PAN3: variants seen among roughly 807,000 people sequenced by gnomAD.
PAN3 encodes poly(A) specific ribonuclease subunit PAN3.
In PAN3, 19 loss-of-function variants were observed where a neutral mutation model predicts 96.2. The ratio of observed to expected loss-of-function variants is 0.20; its 90% CI spans 0.14 to 0.29. PAN3 has a LOEUF of 0.29. Ranked by LOEUF, PAN3 falls within the 10% of genes least tolerant of loss-of-function variation. The probability of loss-of-function intolerance (pLI) is 1.00; values close to 1 mark genes in which losing one functional copy is unlikely to be tolerated. For missense variants in PAN3, 882 were observed against 1,108.1 expected, an observed-to-expected ratio of 0.80 and a Z score of 2.90; for synonymous variants, 433 against 406.6, an observed-to-expected ratio of 1.06 and a Z score of -0.78.
At chr13:28,247,953 A>G (rs1195628313) in intron 6 of PAN3, among the ~76,000 whole-genome samples, 1 of 152,084 alleles carries the variant, frequency 6.6e-6, no homozygotes, top group Non-Finnish European at 1.5e-5. Flanking sequence ...TGTTTATGTA[A>G]AGAATGTCCT....
chr13:28,205,009 G>T (rs1351517739), intron 5 of PAN3, among the ~76,000 whole-genome samples: 1 of 151,652 alleles, frequency 6.6e-6, no homozygotes, highest in Non-Finnish European at 1.5e-5. Flanking sequence ...TTTGTAAGAG[G>T]TATTTAATTA....
chr13:28,208,190 G>A (rs1270314621), intron 5 of PAN3, among the ~76,000 whole-genome samples: 1 of 152,120 alleles, frequency 6.6e-6, no homozygotes, highest in Non-Finnish European at 1.5e-5. Context: ...ATACATCTAA[G>A]TATTATAAAT....
chr13:28,256,181 C>G, intron 6 of PAN3, 111 bp from the exon 7 acceptor site: 1 of 1,175,728 alleles, frequency 8.5e-7, no homozygotes, highest in Non-Finnish European at 1.2e-6. Context: ...TTTGCACTTA[C>G]GATCCCAAAG....
chr13:28,212,165 A>G (rs535141501), intron 5 of PAN3, among the ~76,000 whole-genome samples: 1 of 152,328 alleles, frequency 6.6e-6, no homozygotes, highest in South Asian at 2.1e-4. Flanking sequence ...TCAGATCTAT[A>G]CATGGCCAGG....
chr13:28,191,204 C>T (rs1877217795), intron 4 of PAN3, among the ~76,000 whole-genome samples: 1 of 152,096 alleles, frequency 6.6e-6, no homozygotes, highest in African/African-American at 2.4e-5. Context: ...ATTGTGTTTG[C>T]CCTGTTTATT....
chr13:28,269,864 G>A (rs539411699), intron 12 of PAN3, among the ~76,000 whole-genome samples: 1 of 152,094 alleles, frequency 6.6e-6, no homozygotes, highest in Admixed American at 6.5e-5. Context: ...TTTATTATAA[G>A]TACATAATTA....
chr13:28,203,215 G>A (rs911662182), intron 5 of PAN3, among the ~76,000 whole-genome samples: 1 of 151,988 alleles, frequency 6.6e-6, no homozygotes, highest in African/African-American at 2.4e-5. Flanking sequence ...GGGATTACAG[G>A]TGTGAGCTGC....
chr13:28,256,701 A>G (rs1242082966), intron 7 of PAN3, among the ~76,000 whole-genome samples, 162 bp downstream of exon 7: 2 of 152,162 alleles, frequency 1.3e-5, no homozygotes, highest in Admixed American at 1.3e-4. Context: ...CAACTCTTCA[A>G]ATTAATCTAG....
chr13:28,157,899 C>G (rs1171826546), intron 1 of PAN3, among the ~76,000 whole-genome samples: 6 of 152,180 alleles, frequency 3.9e-5, no homozygotes, highest in Admixed American at 6.5e-5. Flanking sequence ...ATAGCCAAAG[C>G]AATCCTACAC....
chr13:28,244,992 G>A (rs1486931455), intron 6 of PAN3, among the ~76,000 whole-genome samples: 1 of 152,042 alleles, frequency 6.6e-6, no homozygotes, highest in Non-Finnish European at 1.5e-5. Flanking sequence ...GGGATTACAG[G>A]CATGCGTCAC....
At chr13:28,240,426 A>T (rs1883548776) in intron 6 of PAN3, among the ~76,000 whole-genome samples, 1 of 152,200 alleles carries the variant, frequency 6.6e-6, no homozygotes, top group African/African-American at 2.4e-5. Flanking sequence ...GATAACGCAT[A>T]TAATTTTGTT....
chr13:28,271,833 G>C lies in PAN3; in HGVS notation c.1959-148G>C, dbSNP rs529399187. ...TAATTTTACCATTTCTAAAATGGTG[G>C]TTGGTGGAGGTGGTGTGGGGTAGGA... On this transcript the variant is annotated intron_variant, in intron 13 of 18. Coordinates refer to ENST00000380958, the MANE Select transcript of PAN3 (RefSeq NM_175854.8). 17 of 486,128 alleles carry C rather than the reference G, an allele frequency of 3.5e-5. No individual in the cohort carries two copies. In the South Asian group the frequency reaches 5.3e-4, roughly 15 times the overall value. The allele number at this position is 486,128 out of a possible 1,614,324, so 30.1% of individuals were successfully genotyped here.
At chr13:28,263,056 G>C (rs1885866251) in intron 9 of PAN3, among the ~76,000 whole-genome samples, 1 of 152,136 alleles carries the variant, frequency 6.6e-6, no homozygotes. Context: ...TTTTCATGGA[G>C]TATGATAAAA....
intron 1 of PAN3, among the ~76,000 whole-genome samples, chr13:28,152,087 A>G (rs1019606617): frequency 2.0e-5 from 3 of 152,190 alleles, no homozygotes; most frequent in African/African-American, 7.2e-5. Flanking sequence ...AAGAATAGGT[A>G]AGTAACATTT....
intron 6 of PAN3, among the ~76,000 whole-genome samples, chr13:28,225,971 A>G (rs1292043870): frequency 1.3e-5 from 2 of 152,224 alleles, no homozygotes; most frequent in African/African-American, 2.4e-5. Flanking sequence ...TTAAATCCAC[A>G]GATATGTCTA....
At chr13:28,221,987 T>C (rs1384546845) in intron 6 of PAN3, among the ~76,000 whole-genome samples, 3 of 152,200 alleles carry the variant, frequency 2.0e-5, no homozygotes, top group Non-Finnish European at 4.4e-5. Flanking sequence ...TCCGCAATAA[T>C]GGGATCCATA....
At chr13:28,194,709 A>G (rs918118549) in intron 4 of PAN3, among the ~76,000 whole-genome samples, 27 of 151,856 alleles carry the variant, frequency 1.8e-4, no homozygotes, top group Non-Finnish European at 3.5e-4. Flanking sequence ...AGCTCAGGCA[A>G]TCTGCCCATC....
chr13:28,254,984 CA>C (rs1428785264), intron 6 of PAN3, among the ~76,000 whole-genome samples: 1 of 152,130 alleles, frequency 6.6e-6, no homozygotes, highest in Admixed American at 6.5e-5. Flanking sequence ...TCAGAAAGTA[CA>C]GAGGGCTATC....
In PAN3 at chr13:28,288,092, C is replaced by T. The variant is rs2138754343; in HGVS notation, c.2493C>T (p.Asp831=). ...CAGAAGCAGGTGCTCCCTGGATTGA[C>T]CTCAGTCATATAATTTCTTGTCTTA... is the stretch of plus-strand genomic sequence containing the variant. ...QVTEAGAPWI[D]LSHIISCLNK... is the part of the protein sequence containing the mutation. The change falls in exon 18 of 19, where the codon GAC becomes GAT. Residue 831 remains aspartate (D), a synonymous_variant. Coordinates refer to ENST00000380958, the MANE Select transcript of PAN3 (RefSeq NM_175854.8). 1 of 1,610,370 alleles carries T rather than the reference C, an allele frequency of 6.2e-7. No homozygotes were observed. Among genetic ancestry groups the T allele is most frequent in the East Asian group, 2.2e-5 (1 of 44,802 alleles).
Sources: gnomAD v4.1 joint callset for allele counts (sites outside exome capture counted in the v4.1 genomes callset) on GRCh38, gnomAD v4.1.1 for gene constraint, MANE v1.5 for transcripts, NCBI Gene and HGNC (gene_info 2026-07-23, HGNC 2026-07-21) for gene names.